Variants in GTF2E2 observed in about 807,000 individuals in gnomAD.
The protein encoded by GTF2E2 is general transcription factor IIE subunit 2, also known as transcription initiation factor IIE subunit beta.
In GTF2E2, 21 loss-of-function variants were observed where a neutral mutation model predicts 40.5. That is an observed-to-expected ratio of 0.52 (90% CI 0.37 to 0.75). GTF2E2 has a LOEUF of 0.75. Ranked by LOEUF, GTF2E2 falls within the 30% of genes least tolerant of loss-of-function variation. The pLI is 0.00. For missense variants in GTF2E2, 298 were observed against 338.4 expected (o/e 0.88, Z 0.94); for synonymous variants, 117 against 121.6 (o/e 0.96, Z 0.25).
intron 6 of GTF2E2, among the ~76,000 whole-genome samples, chr8:30,601,110 A>G (rs1829167362): frequency 6.6e-6 from 1 of 152,216 alleles, no homozygotes; most frequent in Non-Finnish European, 1.5e-5. Context: ...CAACTAAAAG[A>G]CTGGTGGTAC....
intron 6 of GTF2E2, among the ~76,000 whole-genome samples, chr8:30,592,035 G>A (rs935765374): frequency 2.6e-5 from 4 of 152,042 alleles, no homozygotes; most frequent in African/African-American, 7.2e-5. Context: ...ATGCAACAAT[G>A]TTTTTACCTC....
chr8:30,613,226 AC>A (rs1331557828), intron 4 of GTF2E2, among the ~76,000 whole-genome samples: 1 of 152,200 alleles, frequency 6.6e-6, no homozygotes, highest in Non-Finnish European at 1.5e-5. Context: ...AAGGAACATA[AC>A]CCTTACTAGT....
intron 6 of GTF2E2, among the ~76,000 whole-genome samples, chr8:30,604,345 G>C (rs1829262295): frequency 1.3e-5 from 2 of 152,074 alleles, no homozygotes; most frequent in South Asian, 2.1e-4. Flanking sequence ...TATTAAATAA[G>C]TTAGCAACAA....
chr8:30,597,356 C>G (rs1366343351), intron 6 of GTF2E2: 1 of 152,170 alleles, frequency 6.6e-6, no homozygotes, highest in Non-Finnish European at 1.5e-5. Flanking sequence ...CCAGGGGGAA[C>G]AGTAAGGGAC....
intron 3 of GTF2E2, among the ~76,000 whole-genome samples, chr8:30,626,220 C>T (rs1801267062): frequency 6.6e-6 from 1 of 152,182 alleles, no homozygotes; most frequent in Non-Finnish European, 1.5e-5. Context: ...GGAGTAGTGG[C>T]TCACACCTGT....
chr8:30,654,275 G>GA (rs553388296), intron 1 of GTF2E2, among the ~76,000 whole-genome samples: 1 of 151,792 alleles, frequency 6.6e-6, no homozygotes, highest in Non-Finnish European at 1.5e-5. Context: ...TTAGTATAAA[G>GA]AAAAAAACTA....
intron 6 of GTF2E2, among the ~76,000 whole-genome samples, chr8:30,604,991 A>C (rs1209569587): frequency 6.6e-6 from 1 of 152,252 alleles, no homozygotes; most frequent in African/African-American, 2.4e-5. Flanking sequence ...CTTAGCGTGC[A>C]GATTACAAGA....
chr8:30,589,504 T>C (rs1020013516), intron 6 of GTF2E2, among the ~76,000 whole-genome samples: 1 of 152,188 alleles, frequency 6.6e-6, no homozygotes, highest in African/African-American at 2.4e-5. Flanking sequence ...AAGGCTGCAG[T>C]GACCTATGAC....
rs150697109 is a variant in GTF2E2, at chr8:30,644,814, G to A, written c.166+8619C>T. On this transcript the variant is annotated intron_variant, in intron 2 of 7. Transcript: ENST00000355904. ...TGTCCAGGCTAGAATGCAGTGGCAC[G>A]ATCTTAGCTCACCACAACCTGCGCC... 5.3e-3 allele frequency among the ~76,000 whole-genome samples: 797 copies of A among 150,154 alleles called. 11 individuals are homozygous for A. The highest frequency in any genetic ancestry group is 0.018 in the African/African-American group (753 of 40,758).
chr8:30,651,783 G>C (rs933883453), intron 2 of GTF2E2, among the ~76,000 whole-genome samples: 3 of 152,098 alleles, frequency 2.0e-5, no homozygotes, highest in Non-Finnish European at 2.9e-5. Context: ...AAATAAAAAA[G>C]AACTAAGTTG....
chr8:30,640,333 G>T (rs1801769674), intron 2 of GTF2E2, among the ~76,000 whole-genome samples: 1 of 152,288 alleles, frequency 6.6e-6, no homozygotes, highest in Non-Finnish European at 1.5e-5. Context: ...AAAGGTTCCA[G>T]AACAGTTCCA....
At chr8:30,612,229 A>AT in intron 5 of GTF2E2, 70 bp downstream of exon 5, 1 of 974,498 alleles carries the variant, frequency 1.0e-6, no homozygotes, top group Non-Finnish European at 1.6e-6. Flanking sequence ...AAAATGTTTG[A>AT]TATTTTTAAA....
chr8:30,614,382 C>T (rs530205020), intron 4 of GTF2E2, among the ~76,000 whole-genome samples: 1 of 152,278 alleles, frequency 6.6e-6, no homozygotes, highest in South Asian at 2.1e-4. Context: ...GAGTTCAACA[C>T]CAGCCTGGCC....
intron 2 of GTF2E2, among the ~76,000 whole-genome samples, chr8:30,647,155 T>A (rs1328340294): frequency 6.6e-6 from 1 of 152,014 alleles, no homozygotes; most frequent in African/African-American, 2.4e-5. Context: ...GCTGGTATAT[T>A]AAGAGGGCTG....
chr8:30,579,335 C>T lies in GTF2E2; in HGVS notation c.760-298G>A, dbSNP rs10503871. Among the ~76,000 whole-genome samples, 67,972 of 152,034 alleles carry T rather than the reference C, an allele frequency of 0.45. 15,181 individuals carry two copies. The highest frequency in any genetic ancestry group is 0.55 in the Middle Eastern group (162 of 294). On this transcript the variant is annotated intron_variant, in intron 7 of 7. Coordinates refer to ENST00000355904, the MANE Select transcript of GTF2E2 (RefSeq NM_002095.6). ...ACGATGAAGCCCTTCAGCTCTGTCT[C>T]TGTCATCAGGTTTAAAAACGTATCC... is the stretch of plus-strand genomic sequence containing the variant.
chr8:30,607,163 TAAAA>T lies in GTF2E2; in HGVS notation c.550-17_550-14del. 1 of 1,041,152 alleles carries T rather than the reference TAAAA, an allele frequency of 9.6e-7. No homozygotes were observed. 64.5% of individuals were successfully genotyped at this position (1,041,152 alleles called of 1,614,324 possible). On this transcript the variant is annotated splice_polypyrimidine_tract_variant and intron_variant, in intron 5 of 7. Transcript: ENST00000355904. ...GGTCCCCCAAAGCCTTAAAGATAGA[TAAAA>T]TAAAGATTTTTCAGTTAACTCCAAA...
intron 6 of GTF2E2, among the ~76,000 whole-genome samples, chr8:30,587,780 G>A (rs1391495097): frequency 6.8e-6 from 1 of 147,914 alleles, no homozygotes; most frequent in Non-Finnish European, 1.5e-5. Context: ...GCTGAGGCAG[G>A]AGAATTGCTT....
chr8:30,609,651 T>C (rs1256501415), intron 5 of GTF2E2, among the ~76,000 whole-genome samples: 1 of 152,166 alleles, frequency 6.6e-6, no homozygotes, highest in Non-Finnish European at 1.5e-5. Context: ...CAAAAATTTA[T>C]ATCAAATCTC....
intron 4 of GTF2E2, among the ~76,000 whole-genome samples, chr8:30,613,201 C>T (rs558974662): frequency 6.6e-6 from 1 of 152,310 alleles, no homozygotes; most frequent in South Asian, 2.1e-4. Context: ...TTATCACATA[C>T]TGGCATTATA....
Sources: gnomAD v4.1 joint callset for allele counts (sites outside exome capture counted in the v4.1 genomes callset) on GRCh38, gnomAD v4.1.1 for gene constraint, MANE v1.5 for transcripts, NCBI Gene and HGNC (gene_info 2026-07-23, HGNC 2026-07-21) for gene names.